Variants in ARHGAP15 observed in about 807,000 individuals in gnomAD.
The protein encoded by ARHGAP15 is rho GTPase-activating protein 15.
A neutral mutation model predicts 63.7 loss-of-function variants in ARHGAP15; 51 were observed. The observed-to-expected ratio is 0.80, with a 90% CI of 0.64 to 1.01. ARHGAP15 has a LOEUF of 1.01. ARHGAP15 is among the 50% of genes least tolerant of loss of function. The pLI is 0.00. For missense variants in ARHGAP15, 560 were observed against 564.6 expected (o/e 0.99, Z 0.08); for synonymous variants, 191 against 193.8 (o/e 0.99, Z 0.12).
chr2:143,595,110 C>G (rs1190550615), intron 11 of ARHGAP15, among the ~76,000 whole-genome samples: 2 of 152,084 alleles, frequency 1.3e-5, no homozygotes, highest in African/African-American at 4.8e-5. Context: ...GATGGTCCTT[C>G]TGTTTAACCA....
intron 3 of ARHGAP15, among the ~76,000 whole-genome samples, chr2:143,207,760 T>C (rs1427700797): frequency 6.6e-6 from 1 of 152,180 alleles, no homozygotes; most frequent in Non-Finnish European, 1.5e-5. Context: ...TCTATATTGA[T>C]GAACAATGCC....
intron 6 of ARHGAP15, chr2:143,435,170 A>G (rs889181780): frequency 3.5e-5 from 27 of 771,184 alleles, no homozygotes; most frequent in Non-Finnish European, 4.3e-5. Context: ...AGAGCTCTCC[A>G]TAAAAGGAAA....
intron 6 of ARHGAP15, among the ~76,000 whole-genome samples, chr2:143,277,992 A>G (rs1681646023): frequency 6.6e-6 from 1 of 152,164 alleles, no homozygotes; most frequent in South Asian, 2.1e-4. Context: ...TCTGAAAACA[A>G]TTCCCTCCAG....
At chr2:143,410,321 G>T (rs1222570502) in intron 6 of ARHGAP15, among the ~76,000 whole-genome samples, 2 of 152,102 alleles carry the variant, frequency 1.3e-5, no homozygotes, top group African/African-American at 4.8e-5. Context: ...GGACACATGT[G>T]CATAGTAACA....
intron 6 of ARHGAP15, among the ~76,000 whole-genome samples, chr2:143,258,252 C>CAT (rs71301731): frequency 0.19 from 28,606 of 150,544 alleles, 2,836 homozygotes; most frequent in East Asian, 0.3. Flanking sequence ...AGAAAAAATA[C>CAT]ATATATATAT....
chr2:143,154,069 T>C (rs1689982416), intron 1 of ARHGAP15, among the ~76,000 whole-genome samples: 2 of 151,668 alleles, frequency 1.3e-5, no homozygotes, highest in Admixed American at 6.6e-5. Context: ...ATGGGTCTTC[T>C]TTTGGGAATA....
chr2:143,152,279 T>A (rs1359765160), intron 1 of ARHGAP15, among the ~76,000 whole-genome samples: 1 of 152,052 alleles, frequency 6.6e-6, no homozygotes, highest in Non-Finnish European at 1.5e-5. Context: ...TCATGACATA[T>A]GTCAATACCT....
chr2:143,673,758 G>GTGTGTGTA (rs1553520615), intron 12 of ARHGAP15, among the ~76,000 whole-genome samples: 6 of 22,128 alleles, frequency 2.7e-4, no homozygotes, highest in African/African-American at 4.9e-4. Context: ...GTGTGTGTGT[G>GTGTGTGTA]TATATATATA....
Position 143,413,966 on chromosome 2 carries a change from T to TGTGTGTGTGTGTGTGCGCGCGCACGC in ARHGAP15, c.475-21634_475-21633insTGTGTGTGTGTGTGCGCGCGCACGCG. Among the ~76,000 whole-genome samples the TGTGTGTGTGTGTGTGCGCGCGCACGC allele has an allele frequency of 3.4e-5, 4 of 117,910 alleles. No individual in the cohort carries two copies. In the Admixed American group the frequency reaches 3.7e-4, roughly 11 times the overall value. 77.4% of individuals were successfully genotyped at this position (117,910 alleles called of 152,430 possible). A position where few individuals can be genotyped will look rare whatever the true frequency, so the allele number is the denominator to read the frequency against. On this transcript the variant is annotated intron_variant, in intron 6 of 13. Transcript: ENST00000295095. ...GTGTGTGTGTGTGTGTGTGTGTGTGTGCGCGCTCTCTGGCAGAAAGTTAAT... is the reference window on the plus strand; with the variant it reads ...GTGTGTGTGTGTGTGTGTGTGTGTGTGTGTGTGTGTGTGTGCGCGCGCACGCGCGCGCTCTCTGGCAGAAAGTTAAT...
chr2:143,681,372 C>T (rs1242388596), intron 12 of ARHGAP15, among the ~76,000 whole-genome samples: 1 of 152,082 alleles, frequency 6.6e-6, no homozygotes, highest in Non-Finnish European at 1.5e-5. Context: ...CAGTAGCTGC[C>T]CTTGCCTTCA....
intron 2 of ARHGAP15, among the ~76,000 whole-genome samples, chr2:143,166,721 A>G (rs1690551739): frequency 6.6e-6 from 1 of 152,158 alleles, no homozygotes; most frequent in Non-Finnish European, 1.5e-5. Flanking sequence ...TGTGTGTTGT[A>G]TATCTCAAAT....
intron 9 of ARHGAP15, among the ~76,000 whole-genome samples, chr2:143,498,478 G>A (rs1692920017): frequency 6.6e-6 from 1 of 152,162 alleles, no homozygotes; most frequent in Admixed American, 6.5e-5. Flanking sequence ...CTATATTGCT[G>A]TAAGTGTGTT....
chr2:143,524,438 C>T (rs183802155), intron 10 of ARHGAP15, among the ~76,000 whole-genome samples: 2 of 152,224 alleles, frequency 1.3e-5, no homozygotes, highest in Non-Finnish European at 2.9e-5. Context: ...TATGCTCATT[C>T]CAAACTGTTT....
intron 6 of ARHGAP15, among the ~76,000 whole-genome samples, chr2:143,285,619 A>G (rs1682056098): frequency 6.6e-6 from 1 of 152,200 alleles, no homozygotes; most frequent in African/African-American, 2.4e-5. Context: ...ATTAGAAAAC[A>G]GCTAATATTT....
At chr2:143,668,961 C>G (rs927435505) in intron 12 of ARHGAP15, among the ~76,000 whole-genome samples, 1 of 152,174 alleles carries the variant, frequency 6.6e-6, no homozygotes, top group Non-Finnish European at 1.5e-5. Context: ...ATAGTCTTCT[C>G]TCTATAAAAG....
chr2:143,591,660 C>T (rs374492852), intron 11 of ARHGAP15, among the ~76,000 whole-genome samples: 2 of 148,628 alleles, frequency 1.3e-5, no homozygotes, highest in African/African-American at 5.0e-5. Context: ...TGCTCTTGTC[C>T]CCCAGGCTGG....
At chr2:143,751,918 G>T (rs200015051) in intron 13 of ARHGAP15, among the ~76,000 whole-genome samples, 1 of 152,126 alleles carries the variant, frequency 6.6e-6, no homozygotes, top group East Asian at 1.9e-4. Context: ...GACTGCTGGT[G>T]CCTGGACCCA....
intron 11 of ARHGAP15, among the ~76,000 whole-genome samples, chr2:143,568,963 T>G (rs1466341055): frequency 1.3e-5 from 2 of 151,984 alleles, no homozygotes; most frequent in Admixed American, 1.3e-4. Context: ...AATTGAACAA[T>G]GAGAACACTT....
chr2:143,293,069 G>C (rs1316867539), intron 6 of ARHGAP15, among the ~76,000 whole-genome samples: 2 of 151,998 alleles, frequency 1.3e-5, no homozygotes, highest in Non-Finnish European at 2.9e-5. Context: ...TTATTAAACA[G>C]TATAGAATTA....
Sources: allele counts gnomAD v4.1 joint callset (sites outside exome capture counted in the v4.1 genomes callset), GRCh38; gene constraint gnomAD v4.1.1; transcripts MANE v1.5; gene names NCBI Gene and HGNC (gene_info 2026-07-23, HGNC 2026-07-21).